RUFY1: variants seen among roughly 807,000 people sequenced by gnomAD.
The protein encoded by RUFY1 is RUN and FYVE domain containing 1, also known as RUN and FYVE domain-containing protein 1.
A neutral mutation model predicts 94.6 loss-of-function variants in RUFY1; 54 were observed. The observed-to-expected ratio is 0.57, with a 90% CI of 0.46 to 0.72. RUFY1 has a LOEUF of 0.72. Among genes scored for constraint, RUFY1 ranks in the 30% least tolerant of loss-of-function variants. The pLI is 0.00. For missense variants in RUFY1, 883 were observed against 883.9 expected, an observed-to-expected ratio of 1.00 and a Z score of 0.01; for synonymous variants, 396 against 347.3, an observed-to-expected ratio of 1.14 and a Z score of -1.56.
At chr5:179,589,496 C>A in intron 8 of RUFY1, 50 bp from the exon 9 acceptor site, 1 of 1,150,394 alleles carries the variant, frequency 8.7e-7, no homozygotes, top group South Asian at 1.2e-5. Context: ...TTAATTTGAA[C>A]AATAAGATTA....
intron 1 of RUFY1, among the ~76,000 whole-genome samples, chr5:179,557,378 C>G (rs1057093938): frequency 2.6e-5 from 4 of 152,108 alleles, no homozygotes; most frequent in Non-Finnish European, 5.9e-5. Flanking sequence ...TGCAGTGAGC[C>G]AAGATCGTGC....
chr5:179,574,279 C>G (rs1047061884), intron 5 of RUFY1, among the ~76,000 whole-genome samples: 3 of 152,024 alleles, frequency 2.0e-5, no homozygotes, highest in Non-Finnish European at 1.5e-5. Context: ...CCTGTAATCC[C>G]GGTTACCCAG....
At chr5:179,561,700 T>TTTTTTTTGTTTG (rs764059834) in intron 2 of RUFY1, among the ~76,000 whole-genome samples, 1 of 95,542 alleles carries the variant, frequency 1.0e-5, no homozygotes, top group African/African-American at 4.3e-5. Flanking sequence ...TTTTTTTTTT[T>TTTTTTTTGTTTG]TTTGAAGAGT....
At chr5:179,591,523 T>C in intron 9 of RUFY1, 102 bp from the exon 10 acceptor site, 1 of 779,554 alleles carries the variant, frequency 1.3e-6, no homozygotes, top group Non-Finnish European at 2.1e-6. Flanking sequence ...AAAATAAAAA[T>C]TACCTTACAT....
At chr5:179,585,264 T>A (rs1233823815) in intron 7 of RUFY1, among the ~76,000 whole-genome samples, 1 of 151,752 alleles carries the variant, frequency 6.6e-6, no homozygotes, top group Non-Finnish European at 1.5e-5. Flanking sequence ...GAGAAAAAAA[T>A]TCTCTTTCCA....
At chr5:179,555,399 AG>A (rs1762059987) in intron 1 of RUFY1, among the ~76,000 whole-genome samples, 1 of 152,172 alleles carries the variant, frequency 6.6e-6, no homozygotes, top group Admixed American at 6.6e-5. Context: ...TCACAAAGCC[AG>A]TAAAATTGAG....
intron 1 of RUFY1, among the ~76,000 whole-genome samples, chr5:179,556,085 T>C (rs1762104080): frequency 6.6e-6 from 1 of 152,196 alleles, no homozygotes; most frequent in South Asian, 2.1e-4. Context: ...AGTGTAAATA[T>C]TGACTTTTTA....
At chr5:179,572,140 G>A (rs187908925) in intron 5 of RUFY1, 8 of 264,892 alleles carry the variant, frequency 3.0e-5, no homozygotes, top group South Asian at 1.4e-4. Flanking sequence ...AGCCTTTACC[G>A]CCACAGCTTT....
intron 6 of RUFY1, among the ~76,000 whole-genome samples, chr5:179,580,241 G>GTGTGTGTGTGTGTGTGTATA (rs149099074): frequency 3.2e-5 from 3 of 93,852 alleles, no homozygotes; most frequent in Non-Finnish European, 4.7e-5. Flanking sequence ...GTGTGTGTGT[G>GTGTGTGTGTGTGTGTGTATA]TATATTTTTT....
Position 179,581,031 on chromosome 5 carries a change from T to C in RUFY1, c.956+19T>C. The C allele has an allele frequency of 6.6e-7, 1 of 1,525,368 alleles. No individual in the cohort carries two copies. Among genetic ancestry groups the C allele is most frequent in the Non-Finnish European group, 9.0e-7 (1 of 1,105,760 alleles). 94.5% of individuals were successfully genotyped at this position (1,525,368 alleles called of 1,614,324 possible). A position where few individuals can be genotyped will look rare whatever the true frequency, so the allele number is the denominator to read the frequency against. Reference sequence around the variant, plus strand: ...ACTTGAGGTAAGACTCCTTTTTTTTTCAATGTGACAGTTACATACTCGGTA... The same window carrying C: ...ACTTGAGGTAAGACTCCTTTTTTTTCCAATGTGACAGTTACATACTCGGTA... On this transcript the variant is annotated intron_variant, in intron 7 of 17. Coordinates refer to ENST00000319449, the MANE Select transcript of RUFY1 (RefSeq NM_025158.5).
At chr5:179,599,206 G>GC in intron 14 of RUFY1, 1 of 177,112 alleles carries the variant, frequency 5.6e-6, no homozygotes, top group Non-Finnish European at 1.2e-5. Context: ...TCAGGCGGCA[G>GC]GCAGGAGGAA....
intron 12 of RUFY1, 95 bp from the exon 13 acceptor site, chr5:179,596,467 G>C: frequency 6.8e-7 from 1 of 1,464,508 alleles, no homozygotes; most frequent in South Asian, 1.1e-5. Context: ...TAATTTTACT[G>C]TATGGTAATT....
intron 8 of RUFY1, among the ~76,000 whole-genome samples, chr5:179,588,757 C>T (rs911243274): frequency 6.6e-6 from 1 of 152,104 alleles, no homozygotes; most frequent in Non-Finnish European, 1.5e-5. Flanking sequence ...TTGAGACAGG[C>T]TGTGGCTTTG....
chr5:179,578,780 G>C (rs1490413603), intron 6 of RUFY1, among the ~76,000 whole-genome samples: 1 of 151,810 alleles, frequency 6.6e-6, no homozygotes, highest in African/African-American at 2.4e-5. Context: ...GAGTAGCTGG[G>C]ATCACAGACA....
intron 10 of RUFY1, 88 bp downstream of exon 10, chr5:179,591,829 C>A: frequency 1.9e-5 from 15 of 786,808 alleles, no homozygotes; most frequent in Non-Finnish European, 2.6e-5. Flanking sequence ...CTTCACCATC[C>A]TGATGGTCAT....
At chr5:179,565,085 T>C (rs1762738206) in intron 3 of RUFY1, among the ~76,000 whole-genome samples, 1 of 151,682 alleles carries the variant, frequency 6.6e-6, no homozygotes, top group Non-Finnish European at 1.5e-5. Context: ...GAGGACACTA[T>C]ATTAGTGTAT....
chr5:179,592,983 G>A (rs1439384949), intron 10 of RUFY1, among the ~76,000 whole-genome samples: 2 of 152,278 alleles, frequency 1.3e-5, no homozygotes, highest in East Asian at 1.9e-4. Flanking sequence ...AGCTTTAACC[G>A]TGCAGTGAGG....
intron 5 of RUFY1, among the ~76,000 whole-genome samples, chr5:179,576,447 G>A (rs2127533231): frequency 6.6e-6 from 1 of 152,254 alleles, no homozygotes; most frequent in Non-Finnish European, 1.5e-5. Flanking sequence ...TTGAGATGAA[G>A]TCTCGCTCTG....
At chr5:179,576,945 C>T in intron 5 of RUFY1, 130 bp from the exon 6 acceptor site, 1 of 660,786 alleles carries the variant, frequency 1.5e-6, no homozygotes, top group Non-Finnish European at 2.6e-6. Context: ...ATTTCCACTT[C>T]ATAGAGCTGG....
Sources: gnomAD v4.1 joint callset for allele counts (sites outside exome capture counted in the v4.1 genomes callset) on GRCh38, gnomAD v4.1.1 for gene constraint, MANE v1.5 for transcripts, NCBI Gene and HGNC (gene_info 2026-07-23, HGNC 2026-07-21) for gene names.